RYR2: variants seen among roughly 807,000 people sequenced by gnomAD.
RYR2 encodes ryanodine receptor 2, also known as cardiac muscle ryanodine receptor-calcium release channel.
In RYR2, 227 loss-of-function variants were observed where a neutral mutation model predicts 601.1. The ratio of observed to expected loss-of-function variants is 0.38; its 90% CI spans 0.34 to 0.42. The LOEUF (loss-of-function observed/expected upper bound fraction) is 0.42, where lower values mean the gene tolerates loss of function less well. RYR2 is among the 10% of genes least tolerant of loss of function. The pLI is 1.00. For missense variants in RYR2, 4,646 were observed against 6,156.5 expected (o/e 0.75, Z 8.21); for synonymous variants, 2,223 against 2,175.1 (o/e 1.02, Z -0.61).
At chr1:237,545,998 A>G (rs1193952703) in intron 25 of RYR2, among the ~76,000 whole-genome samples, 1 of 150,798 alleles carries the variant, frequency 6.6e-6, no homozygotes, top group African/African-American at 2.4e-5. Context: ...ATATATCTAT[A>G]TCTATATATT....
chr1:237,604,856 C>A (rs1676928473), intron 35 of RYR2, among the ~76,000 whole-genome samples: 1 of 152,106 alleles, frequency 6.6e-6, no homozygotes, highest in East Asian at 1.9e-4. Flanking sequence ...CATACACCCT[C>A]CCAAGACTAA....
intron 29 of RYR2, among the ~76,000 whole-genome samples, chr1:237,577,142 G>A (rs181603339): frequency 2.8e-4 from 42 of 152,260 alleles, no homozygotes; most frequent in Admixed American, 2.2e-3. Flanking sequence ...AACAGCAGGA[G>A]ATATGTACAA....
At chr1:237,144,911 C>T (rs897796401) in intron 1 of RYR2, among the ~76,000 whole-genome samples, 3 of 152,148 alleles carry the variant, frequency 2.0e-5, no homozygotes, top group Non-Finnish European at 4.4e-5. Context: ...TCAGACGTCC[C>T]CTAACCTGAA....
At chr1:237,129,892 T>C (rs1405927031) in intron 1 of RYR2, among the ~76,000 whole-genome samples, 1 of 152,120 alleles carries the variant, frequency 6.6e-6, no homozygotes, top group African/African-American at 2.4e-5. Context: ...AAAAGTTTAA[T>C]TCATAGAAAT....
chr1:237,097,301 A>T (rs1572621389), intron 1 of RYR2, among the ~76,000 whole-genome samples: 1 of 152,304 alleles, frequency 6.6e-6, no homozygotes, highest in South Asian at 2.1e-4. Context: ...ACCTTGAGTT[A>T]AAAGGGGGAA....
intron 15 of RYR2, 133 bp from the exon 16 acceptor site, chr1:237,456,467 A>C (rs1420946801): frequency 6.7e-6 from 6 of 892,220 alleles, no homozygotes; most frequent in Non-Finnish European, 9.4e-6. Context: ...GAATGATCAC[A>C]GTTTTCTTTA....
At chr1:237,723,946 A>T (rs889767439) in intron 74 of RYR2, among the ~76,000 whole-genome samples, 1 of 151,974 alleles carries the variant, frequency 6.6e-6, no homozygotes, top group African/African-American at 2.4e-5. Context: ...AGAAGAGATC[A>T]TCTGGCTTAG....
chr1:237,781,483 C>T, intron 88 of RYR2, 82 bp from the exon 89 acceptor site: 1 of 704,512 alleles, frequency 1.4e-6, no homozygotes, highest in Non-Finnish European at 2.5e-6. Flanking sequence ...GCCAGAGCAG[C>T]ATCCTTTTTG....
rs544669137 is a variant in RYR2 at position 237,682,583 on chromosome 1, A to G, written c.9017+2006A>G. On this transcript the variant is annotated intron_variant, in intron 62 of 104. Coordinates refer to ENST00000366574, the MANE Select transcript of RYR2 (RefSeq NM_001035.3). ...GCACAAGTATGTAGCCTGGAGCAAT[A>G]GGCTATACCATTTAGGTTTGTGTAA... 1.7e-4 allele frequency among the ~76,000 whole-genome samples: 26 copies of G among 152,322 alleles called. No homozygotes were observed. In the East Asian group the frequency reaches 4.4e-3, roughly 26 times the overall value.
At chr1:237,053,252 A>G (rs1661509164) in intron 1 of RYR2, among the ~76,000 whole-genome samples, 1 of 152,222 alleles carries the variant, frequency 6.6e-6, no homozygotes, top group African/African-American at 2.4e-5. Context: ...AGTCATGATC[A>G]GCTTACACGT....
At chr1:237,573,386 A>G (rs1222362433) in intron 29 of RYR2, among the ~76,000 whole-genome samples, 2 of 151,856 alleles carry the variant, frequency 1.3e-5, no homozygotes, top group Non-Finnish European at 2.9e-5. Context: ...CATAGTTTAT[A>G]CAACTGAAAT....
chr1:237,802,947 T>C (rs1660146542), intron 98 of RYR2, among the ~76,000 whole-genome samples: 2 of 152,222 alleles, frequency 1.3e-5, no homozygotes, highest in Admixed American at 6.5e-5. Context: ...GCTATTTTAG[T>C]AGGCTTTTAT....
At chr1:237,045,593 A>G (rs1274613770) in intron 1 of RYR2, among the ~76,000 whole-genome samples, 1 of 152,192 alleles carries the variant, frequency 6.6e-6, no homozygotes, top group African/African-American at 2.4e-5. Flanking sequence ...CACTTATTTT[A>G]TGAGAGAAAA....
At chr1:237,318,413 A>G (rs1245306248) in intron 2 of RYR2, among the ~76,000 whole-genome samples, 1 of 152,120 alleles carries the variant, frequency 6.6e-6, no homozygotes, top group African/African-American at 2.4e-5. Context: ...ACAGTCTTTT[A>G]TGTTAATCCA....
chr1:237,250,927 T>A (rs952303999), intron 1 of RYR2, among the ~76,000 whole-genome samples: 3 of 152,198 alleles, frequency 2.0e-5, no homozygotes, highest in Non-Finnish European at 4.4e-5. Context: ...TCAGATTATG[T>A]TAGCAGAGGG....
intron 4 of RYR2, among the ~76,000 whole-genome samples, chr1:237,356,658 G>A (rs768550138): frequency 2.0e-5 from 3 of 152,014 alleles, no homozygotes; most frequent in Non-Finnish European, 4.4e-5. Context: ...ATTGTCACAA[G>A]TTGTGCAAAA....
chr1:237,418,471 A>G (rs891284438), intron 11 of RYR2, among the ~76,000 whole-genome samples: 3 of 152,154 alleles, frequency 2.0e-5, no homozygotes, highest in Non-Finnish European at 4.4e-5. Context: ...AACTTTGTCC[A>G]TTCTTGAACA....
chr1:237,672,074 G>A (rs1178888528), intron 58 of RYR2, among the ~76,000 whole-genome samples: 2 of 152,120 alleles, frequency 1.3e-5, no homozygotes, highest in African/African-American at 2.4e-5. Context: ...TCATAAATGG[G>A]AAAGTTGAGG....
chr1:237,755,114 T>C (rs1231102772), intron 80 of RYR2: 1 of 1,287,732 alleles, frequency 7.8e-7, no homozygotes, highest in Non-Finnish European at 1.0e-6. Context: ...GCGAGAACTC[T>C]CTGGTAACAG....
Sources: gnomAD v4.1 joint callset for allele counts (sites outside exome capture counted in the v4.1 genomes callset) on GRCh38, gnomAD v4.1.1 for gene constraint, MANE v1.5 for transcripts, NCBI Gene and HGNC (gene_info 2026-07-23, HGNC 2026-07-21) for gene names.